Variants in SPATA13 observed in about 807,000 individuals in gnomAD.
SPATA13 encodes the protein spermatogenesis associated 13, also known as spermatogenesis-associated protein 13.
A neutral mutation model predicts 104.0 loss-of-function variants in SPATA13; 50 were observed. The observed-to-expected ratio is 0.48, with a 90% CI of 0.38 to 0.61. The LOEUF is 0.61. Ranked by LOEUF, SPATA13 falls within the 20% of genes least tolerant of loss-of-function variation. SPATA13 has a pLI of 0.00. For missense variants in SPATA13, 1,524 were observed against 1,690.6 expected (o/e 0.90, Z 1.73); for synonymous variants, 606 against 667.5 (o/e 0.91, Z 1.42).
chr13:24,126,627 G>C (rs545829311), intron 3 of SPATA13, among the ~76,000 whole-genome samples: 18 of 152,158 alleles, frequency 1.2e-4, no homozygotes, highest in Non-Finnish European at 2.4e-4. Flanking sequence ...TATGAATATG[G>C]CTCACTGCAG....
chr13:24,199,409 A>G (rs886829831), intron 1 of SPATA13, among the ~76,000 whole-genome samples: 1 of 152,240 alleles, frequency 6.6e-6, no homozygotes, highest in African/African-American at 2.4e-5. Context: ...ATTCTACCAG[A>G]AAGTGTGCAT....
chr13:24,117,112 C>T lies in SPATA13; in HGVS notation c.-112+99411C>T, dbSNP rs184423652. Among the ~76,000 whole-genome samples, 5 of 152,304 alleles carry T rather than the reference C, an allele frequency of 3.3e-5. No individual in the cohort carries two copies. In the East Asian group the frequency reaches 9.6e-4, roughly 29 times the overall value. On this transcript the variant is annotated intron_variant, in intron 3 of 14. Coordinates refer to the SPATA13 transcript ENST00000424834. ...CAAGCTTACTAAGATAATCAGTATG[C>T]TGCACTTTCTATAAATGTAATTTTT...
At chr13:24,110,430 T>C (rs1440443463) in intron 3 of SPATA13, among the ~76,000 whole-genome samples, 1 of 152,180 alleles carries the variant, frequency 6.6e-6, no homozygotes, top group Non-Finnish European at 1.5e-5. Flanking sequence ...CAGACTCACT[T>C]AATATTGTAA....
chr13:24,103,484 C>CAAAAAAAAAAAA (rs34983901), intron 3 of SPATA13, among the ~76,000 whole-genome samples: 2 of 69,856 alleles, frequency 2.9e-5, no homozygotes, highest in Non-Finnish European at 5.0e-5. Context: ...GACCCTGTCT[C>CAAAAAAAAAAAA]AAAAAAAAAA....
At chr13:24,237,000 T>C (rs1872607369) in intron 2 of SPATA13, among the ~76,000 whole-genome samples, 1 of 152,188 alleles carries the variant, frequency 6.6e-6, no homozygotes, top group Admixed American at 6.5e-5. Flanking sequence ...AAGTGTCTGT[T>C]GATGGACAAA....
chr13:24,127,851 C>G, intron 3 of SPATA13, among the ~76,000 whole-genome samples: 1 of 152,240 alleles, frequency 6.6e-6, no homozygotes, highest in Non-Finnish European at 1.5e-5. Flanking sequence ...GGCATCAAGT[C>G]TGGTACAGCT....
intron 3 of SPATA13, among the ~76,000 whole-genome samples, chr13:24,050,091 C>T (rs185057938): frequency 3.9e-5 from 6 of 152,178 alleles, no homozygotes; most frequent in East Asian, 3.9e-4. Flanking sequence ...AGGCTGGTCT[C>T]GAACTCCTGA....
intron 1 of SPATA13, among the ~76,000 whole-genome samples, chr13:24,209,571 T>C (rs1181345822): frequency 6.6e-6 from 1 of 152,192 alleles, no homozygotes; most frequent in Non-Finnish European, 1.5e-5. Flanking sequence ...CCTCCAGCTT[T>C]ATCAGTGTTG....
chr13:24,056,071 A>T (rs1283286001), intron 3 of SPATA13, among the ~76,000 whole-genome samples: 1 of 152,248 alleles, frequency 6.6e-6, no homozygotes, highest in Non-Finnish European at 1.5e-5. Context: ...CTCCATGAAA[A>T]GTCCTCTAAA....
chr13:24,041,385 AGTAGCATAATCC>A lies in SPATA13; in HGVS notation c.-112+23685_-112+23696del, dbSNP rs1877923116. Among the ~76,000 whole-genome samples the A allele has an allele frequency of 3.3e-5, 5 of 152,374 alleles. No homozygotes were observed. In the South Asian group the frequency reaches 1.0e-3, roughly 32 times the overall value. On this transcript the variant is annotated intron_variant, in intron 3 of 14. Transcript: ENST00000424834. ...ATTGACAAATTTTGACCCAGGTCAGAGTAGCATAATCCATGATGCCTATGTCCAAATTAAATG... is the reference window on the plus strand; with the variant it reads ...ATTGACAAATTTTGACCCAGGTCAGAATGATGCCTATGTCCAAATTAAATG...
intron 3 of SPATA13, among the ~76,000 whole-genome samples, chr13:24,071,671 A>G (rs9551051): frequency 0.14 from 22,053 of 152,166 alleles, 1,957 homozygotes; most frequent in East Asian, 0.31. Context: ...ATTGAATCAC[A>G]TCAGATTTAA....
chr13:24,299,015 A>G (rs1876992100), intron 11 of SPATA13, among the ~76,000 whole-genome samples: 1 of 152,134 alleles, frequency 6.6e-6, no homozygotes, highest in Non-Finnish European at 1.5e-5. Context: ...ACAGCCATAG[A>G]TTATTGGTGC....
At chr13:24,173,362 TTGTGTGTGTGTGTG>T (rs60850610) in intron 1 of SPATA13, among the ~76,000 whole-genome samples, 351 of 146,830 alleles carry the variant, frequency 2.4e-3, no homozygotes, top group Non-Finnish European at 3.5e-3. Flanking sequence ...TAGTTCTTAG[TTGTGTGTGTGTGTG>T]TGTGTGTGTG....
chr13:24,224,255 A>G lies in SPATA13; in HGVS notation c.1326A>G (p.Lys442=), dbSNP rs1871795500. The change falls in exon 2 of 13, where the codon AAA becomes AAG. Residue 442 remains lysine (K), a synonymous_variant. Coordinates refer to ENST00000382108, the MANE Select transcript of SPATA13 (RefSeq NM_001166271.3). ...CGATTGTCCAGGATGTGTTGAGCAAAGACTCCTGTGACCCAAACGCTGGCA... is the reference window on the plus strand; with the variant it reads ...CGATTGTCCAGGATGTGTTGAGCAAGGACTCCTGTGACCCAAACGCTGGCA... ...PSPIVQDVLS[K]DSCDPNAGSQ... 1 of 1,551,634 alleles carries G rather than the reference A, an allele frequency of 6.4e-7. No homozygotes were observed. The highest frequency in any genetic ancestry group is 8.7e-7 in the Non-Finnish European group (1 of 1,146,970).
chr13:24,026,734 C>A (rs1326322330), intron 3 of SPATA13, among the ~76,000 whole-genome samples: 1 of 152,050 alleles, frequency 6.6e-6, no homozygotes, highest in Non-Finnish European at 1.5e-5. Flanking sequence ...CCCGCCACCA[C>A]GTCCAGCTAA....
chr13:23,981,492 G>GT (rs1387360981), intron 1 of SPATA13, among the ~76,000 whole-genome samples: 1 of 152,198 alleles, frequency 6.6e-6, no homozygotes, highest in African/African-American at 2.4e-5. Context: ...AAAATTCACA[G>GT]TTTCGGGAGC....
upstream of SPATA13, among the ~76,000 whole-genome samples, chr13:24,157,189 A>T (rs1156827816): frequency 6.6e-6 from 1 of 152,246 alleles, no homozygotes; most frequent in Non-Finnish European, 1.5e-5. Flanking sequence ...AGGTTAAAAA[A>T]GAGTGAATAC....
chr13:24,152,308 G>A (rs1192325098), intron 3 of SPATA13, among the ~76,000 whole-genome samples: 1 of 152,206 alleles, frequency 6.6e-6, no homozygotes, highest in South Asian at 2.1e-4. Flanking sequence ...ATTCATGAGG[G>A]TGGACACAAG....
At chr13:24,014,585 A>G (rs1264473534) in intron 2 of SPATA13, among the ~76,000 whole-genome samples, 1 of 152,256 alleles carries the variant, frequency 6.6e-6, no homozygotes, top group Non-Finnish European at 1.5e-5. Context: ...ATATTTATTC[A>G]TTAAGTGCAA....
Sources: gnomAD v4.1 joint callset for allele counts (sites outside exome capture counted in the v4.1 genomes callset) on GRCh38, gnomAD v4.1.1 for gene constraint, MANE v1.5 for transcripts, NCBI Gene and HGNC (gene_info 2026-07-23, HGNC 2026-07-21) for gene names.